Variants in DAPK1 observed in about 807,000 individuals in gnomAD.
DAPK1 encodes the protein death associated protein kinase 1.
A neutral mutation model predicts 144.9 loss-of-function variants in DAPK1; 56 were observed. That is an observed-to-expected ratio of 0.39 (90% CI 0.31 to 0.48). DAPK1 has a LOEUF of 0.48. Ranked by LOEUF, DAPK1 falls within the 20% of genes least tolerant of loss-of-function variation. The pLI is 0.95. For synonymous variants in DAPK1, 690 were observed against 749.0 expected (o/e 0.92, Z 1.29); for missense variants, 1,454 against 1,875.4 (o/e 0.78, Z 4.15).
At chr9:87,665,354 A>G (rs1210279086) in intron 18 of DAPK1, among the ~76,000 whole-genome samples, 1 of 152,238 alleles carries the variant, frequency 6.6e-6, no homozygotes. Context: ...AATGAATGGC[A>G]CCATAGTCCA....
intron 2 of DAPK1, among the ~76,000 whole-genome samples, chr9:87,566,372 A>G (rs1236735808): frequency 1.3e-5 from 2 of 152,146 alleles, no homozygotes; most frequent in Admixed American, 1.3e-4. Context: ...ATGTCATTAT[A>G]GAGTTGGTAG....
In DAPK1 at chr9:87,558,175, G is replaced by A. The variant is rs573688724; in HGVS notation, c.63-46779G>A. Among the ~76,000 whole-genome samples the A allele has an allele frequency of 1.4e-3, 211 of 152,266 alleles. 1 individual carries two copies. Among genetic ancestry groups the A allele is most frequent in the African/African-American group, 4.9e-3 (205 of 41,540 alleles). On this transcript the variant is annotated intron_variant, in intron 2 of 25. Transcript: ENST00000408954. ...GCCCCTTGAGAGCTGCCAGAAGCTT[G>A]TGGTCTGTCTGGTTTCACATGGTGG...
At chr9:87,641,507 G>A (rs376517227) in intron 9 of DAPK1, among the ~76,000 whole-genome samples, 5 of 152,172 alleles carry the variant, frequency 3.3e-5, no homozygotes, top group African/African-American at 9.6e-5. Flanking sequence ...AGCCAGCTAT[G>A]GTGTCTCCTC....
At chr9:87,655,254 G>C (rs1218294339) in intron 17 of DAPK1, among the ~76,000 whole-genome samples, 1 of 152,186 alleles carries the variant, frequency 6.6e-6, no homozygotes, top group African/African-American at 2.4e-5. Flanking sequence ...TGCCCCCGCA[G>C]ACAGGCTCCC....
chr9:87,547,578 A>AGAGT (rs1491588012), intron 2 of DAPK1, among the ~76,000 whole-genome samples: 1 of 58,796 alleles, frequency 1.7e-5, no homozygotes, highest in Non-Finnish European at 3.5e-5. Context: ...AGAGAGAGAG[A>AGAGT]GTGTGTGTGT....
At chr9:87,659,585 C>T (rs1830757839) in intron 18 of DAPK1, among the ~76,000 whole-genome samples, 1 of 152,242 alleles carries the variant, frequency 6.6e-6, no homozygotes, top group East Asian at 1.9e-4. Context: ...AAATGTGCGG[C>T]CCCCTCTGTA....
intron 24 of DAPK1, among the ~76,000 whole-genome samples, chr9:87,701,194 G>C (rs1354262996): frequency 1.3e-5 from 2 of 152,126 alleles, no homozygotes; most frequent in East Asian, 3.9e-4. Flanking sequence ...ATTTAATGGG[G>C]TAAAGATTAT....
chr9:87,698,927 A>G (rs1002636151), intron 23 of DAPK1, 133 bp downstream of exon 23: 4 of 597,910 alleles, frequency 6.7e-6, no homozygotes, highest in Non-Finnish European at 8.9e-6. Context: ...TTCTTGGTCA[A>G]CTCTTTTCTT....
chr9:87,707,888 T>A lies in DAPK1; in HGVS notation c.*524T>A. On this transcript the variant is annotated 3_prime_UTR_variant, in exon 26 of 26. Coordinates refer to ENST00000408954, the MANE Select transcript of DAPK1 (RefSeq NM_004938.4). This position sits in a 1 kb window ranked among gnomAD's most constrained non-coding sequence, Gnocchi z 4.0. ...CTGTATGATTTATAAACAGACAATATGTGAGTGCCTTTTGCAGAAGAGGGT... is the reference window on the plus strand; with the variant it reads ...CTGTATGATTTATAAACAGACAATAAGTGAGTGCCTTTTGCAGAAGAGGGT... The A allele has an allele frequency of 2.2e-6, 1 of 456,002 alleles. No homozygotes were observed. Among genetic ancestry groups the A allele is most frequent in the Middle Eastern group, 3.3e-4 (1 of 3,074 alleles). The allele number at this position is 456,002 out of a possible 1,614,324, so 28.2% of individuals were successfully genotyped here.
intron 21 of DAPK1, among the ~76,000 whole-genome samples, chr9:87,695,291 C>T (rs945957243): frequency 2.0e-5 from 3 of 152,340 alleles, no homozygotes; most frequent in Middle Eastern, 3.4e-3. Context: ...CCCTTTAGAT[C>T]TCAGAGTGCA....
At chr9:87,631,493 C>T (rs908607021) in intron 3 of DAPK1, among the ~76,000 whole-genome samples, 30 of 152,254 alleles carry the variant, frequency 2.0e-4, no homozygotes, top group African/African-American at 6.7e-4. Context: ...TTGGTGAAAA[C>T]AGCAAATGTT....
At chr9:87,546,555 C>G (rs1348816056) in intron 2 of DAPK1, among the ~76,000 whole-genome samples, 1 of 152,154 alleles carries the variant, frequency 6.6e-6, no homozygotes, top group Non-Finnish European at 1.5e-5. Flanking sequence ...TCCACTAGTT[C>G]TGGGAGGGGC....
chr9:87,645,708 G>T (rs984276796), intron 11 of DAPK1, among the ~76,000 whole-genome samples, 187 bp from the exon 12 acceptor site: 1 of 152,190 alleles, frequency 6.6e-6, no homozygotes, highest in Non-Finnish European at 1.5e-5. Context: ...GATAGTGCTT[G>T]TTTGCAACAT....
intron 19 of DAPK1, among the ~76,000 whole-genome samples, chr9:87,679,191 C>T (rs72747893): frequency 0.016 from 2,471 of 152,122 alleles, 34 homozygotes; most frequent in South Asian, 0.033. Flanking sequence ...CGTCTGTCCC[C>T]GCAGATGGGC....
At chr9:87,702,899 A>G in intron 24 of DAPK1, 130 bp from the exon 25 acceptor site, 4 of 624,774 alleles carry the variant, frequency 6.4e-6, no homozygotes, top group Non-Finnish European at 1.2e-5. Context: ...GTCAACAACA[A>G]CAAAAAAACC....
chr9:87,525,531 G>T, intron 2 of DAPK1: 1 of 1,091,940 alleles, frequency 9.2e-7, no homozygotes, highest in Non-Finnish European at 1.4e-6. Context: ...AACCATGATA[G>T]TTCTTTGTAC....
At chr9:87,634,764 C>A (rs1829831199) in intron 3 of DAPK1, among the ~76,000 whole-genome samples, 1 of 152,174 alleles carries the variant, frequency 6.6e-6, no homozygotes. Context: ...CCTGTCCCTC[C>A]CCAACTCCAC....
At chr9:87,671,744 C>G (rs1216636073) in intron 19 of DAPK1, among the ~76,000 whole-genome samples, 1 of 152,180 alleles carries the variant, frequency 6.6e-6, no homozygotes, top group East Asian at 1.9e-4. Flanking sequence ...TAACTCCTGG[C>G]TTTTAGTGAT....
rs761039661 is a variant in DAPK1 at position 87,707,089 on chromosome 9, G to T, written c.4018G>T (p.Val1340Leu). Residue 1340 changes from valine (V) to leucine (L), a missense_variant, in exon 26 of 26, where the codon GTG (valine) becomes TTG (leucine). Val to Leu is a conservative substitution (Grantham distance 32). Transcript: ENST00000408954. The surrounding 1 kb of genome is among the most constrained non-coding windows in gnomAD (Gnocchi z 4.0). Reference sequence around the variant, plus strand: ...CATGAACTTAGGCCTCCCTGACCTCGTGGCAAAGTACAACACCAGTAACGG... The same window carrying T: ...CATGAACTTAGGCCTCCCTGACCTCTTGGCAAAGTACAACACCAGTAACGG... ...LAMNLGLPDL[V>L]AKYNTSNGAP... 6.2e-7 allele frequency: 1 copy of T among 1,614,056 alleles called. No homozygotes were observed. Among genetic ancestry groups the T allele is most frequent in the Middle Eastern group, 1.6e-4 (1 of 6,062 alleles).
Sources: gnomAD v4.1 joint callset for allele counts (sites outside exome capture counted in the v4.1 genomes callset) on GRCh38, gnomAD v4.1.1 for gene constraint, Gnocchi (gnomAD v3.1) non-coding constraint, MANE v1.5 for transcripts, NCBI Gene and HGNC (gene_info 2026-07-23, HGNC 2026-07-21) for gene names.